The following SIDT1 variants were observed in gnomAD, a reference collection of about 807,000 sequenced individuals.
The protein encoded by SIDT1 is SID1 transmembrane family, member 1.
In SIDT1, 101 loss-of-function variants were observed where a neutral mutation model predicts 107.5. The observed-to-expected ratio is 0.94, with a 90% CI of 0.80 to 1.11. The LOEUF (loss-of-function observed/expected upper bound fraction) is 1.11, where lower values mean the gene tolerates loss of function less well. Among genes scored for constraint, SIDT1 ranks in the 50% least tolerant of loss-of-function variants. The pLI, the probability that SIDT1 is intolerant of heterozygous loss-of-function variation, is 0.00. For synonymous variants in SIDT1, 395 were observed against 398.2 expected, an observed-to-expected ratio of 0.99 and a Z score of 0.10; for missense variants, 1,076 against 1,058.2, an observed-to-expected ratio of 1.02 and a Z score of -0.23.
Position 113,536,687 on chromosome 3 carries a change from C to T in SIDT1, c.222+3444C>T, listed in dbSNP as rs115832793. Among the ~76,000 whole-genome samples the T allele has an allele frequency of 7.0e-3, 1,068 of 152,352 alleles. 15 individuals carry two copies. The highest frequency in any genetic ancestry group is 0.024 in the African/African-American group (1,011 of 41,584). ...TGTCATACTAGTTAGCTGCACTCAG[C>T]ACCAGGAAAAGTCTCATATGCCTTC... On this transcript the variant is annotated intron_variant, in intron 1 of 24. Transcript: ENST00000264852.
chr3:113,575,359 T>C lies in SIDT1; in HGVS notation c.516-1563T>C, dbSNP rs532180482. ...GTTCTCTGATCTGGCAACAAAGAAT[T>C]GAAGGTCTCATGTTGCCCTGGTAAC... On this transcript the variant is annotated intron_variant, in intron 3 of 24. Transcript: ENST00000264852. Among the ~76,000 whole-genome samples the C allele has an allele frequency of 7.2e-5, 11 of 152,322 alleles. No individual in the cohort carries two copies. In the East Asian group the frequency reaches 1.7e-3, roughly 24 times the overall value.
At chr3:113,577,240 C>T (rs1289733803) in intron 4 of SIDT1, among the ~76,000 whole-genome samples, 1 of 152,090 alleles carries the variant, frequency 6.6e-6, no homozygotes, top group Non-Finnish European at 1.5e-5. Context: ...ATCGTGTGCC[C>T]ACTATGCACC....
rs778739679 is a variant in SIDT1 at position 113,616,115 on chromosome 3, G to T, written c.1982G>T (p.Arg661Leu). The T allele has an allele frequency of 1.2e-6, 2 of 1,613,638 alleles. No homozygotes were observed. The highest frequency in any genetic ancestry group is 1.7e-6 in the Non-Finnish European group (2 of 1,179,710). ...TTATCAGCAGATTTGGGAATTTTCC[G>T]GCGGGCTGCCATGGTGTTCTACACA... ...GRFKIDLGIF[R>L]RAAMVFYTDC... Residue 661 changes from arginine to leucine, a missense_variant, in exon 20 of 25, where the codon CGG becomes CTG. Arg to Leu is a moderately radical substitution (Grantham distance 102). Coordinates refer to ENST00000264852, the MANE Select transcript of SIDT1 (RefSeq NM_017699.3).
intron 17 of SIDT1, 90 bp downstream of exon 17, chr3:113,608,626 G>T (rs1945515490): frequency 1.1e-6 from 1 of 883,836 alleles, no homozygotes; most frequent in Middle Eastern, 2.4e-4. Flanking sequence ...TGCTTGCAAA[G>T]ATCAAATGGC....
Position 113,567,714 on chromosome 3 carries a change from A to G in SIDT1, c.515+4A>G. 1.2e-6 allele frequency: 2 copies of G among 1,613,336 alleles called. No homozygotes were observed. Among genetic ancestry groups the G allele is most frequent in the African/African-American group, 1.3e-5 (1 of 75,024 alleles). ...AGCTGAAGCACTTCCAGCTCCGGTA[A>G]GCGGGACTTTCTCTGTTTACCTGTC... On this transcript the variant is annotated splice_donor_region_variant and intron_variant, in intron 3 of 24. Transcript: ENST00000264852.
At chr3:113,601,486 A>T in intron 10 of SIDT1, 102 bp from the exon 11 acceptor site, 1 of 787,478 alleles carries the variant, frequency 1.3e-6, no homozygotes, top group Non-Finnish European at 2.1e-6. Flanking sequence ...AAGAAAATCA[A>T]ACCTAAAATA....
chr3:113,564,906 A>G (rs1423116508), intron 1 of SIDT1, among the ~76,000 whole-genome samples: 1 of 152,242 alleles, frequency 6.6e-6, no homozygotes, highest in African/African-American at 2.4e-5. Flanking sequence ...CTATCAAATT[A>G]GTAAGTTACT....
rs748470547 is a variant in SIDT1, at chr3:113,623,527, A to G, written c.2191A>G (p.Met731Val). The G allele has an allele frequency of 3.7e-6, 6 of 1,613,054 alleles. No homozygotes were observed. In the South Asian group the frequency reaches 5.5e-5, roughly 15 times the overall value. The part of the protein sequence containing the change: ...LLLYLAFYII[M>V]KLRSSEKVLP... ...GCTGTACCTGGCCTTTTACATCATC[A>G]TGAAGGTAAGAGCGGGTGCCGGGAG... The change falls in exon 22 of 25, where the codon ATG becomes GTG. Residue 731 changes from methionine to valine, a missense_variant. Met to Val is a conservative substitution (Grantham distance 21). Transcript: ENST00000264852.
chr3:113,570,918 GAGCAA>G (rs1942386357), intron 3 of SIDT1, among the ~76,000 whole-genome samples: 1 of 152,186 alleles, frequency 6.6e-6, no homozygotes, highest in Admixed American at 6.5e-5. Context: ...TTTTACAGAT[GAGCAA>G]ACTGATGCCC....
rs2292512 is a variant in SIDT1 at position 113,611,039 on chromosome 3, G to A, written c.1752G>A (p.Leu584=). The change falls in exon 18 of 25, where the codon CTG becomes CTA. Residue 584 remains leucine (L), a synonymous_variant. Coordinates refer to ENST00000264852, the MANE Select transcript of SIDT1 (RefSeq NM_017699.3). The part of the protein sequence containing the change: ...DTSFMYMIAG[L]CMLKLYQTRH... The stretch of plus-strand genomic sequence containing the variant: ...CCTTCATGTACATGATCGCTGGCCT[G>A]TGCATGCTGAAGCTCTATCAGACCC... The A allele has an allele frequency of 4.2e-3, 6,730 of 1,614,072 alleles. 168 individuals are homozygous for A. The Admixed American group carries it at 0.054, about 13-fold the overall frequency.
intron 23 of SIDT1, among the ~76,000 whole-genome samples, chr3:113,625,109 T>C (rs1263740349): frequency 1.4e-5 from 2 of 146,382 alleles, no homozygotes; most frequent in African/African-American, 2.5e-5. Flanking sequence ...CTGGATCATA[T>C]GGTAGCTCTA....
At chr3:113,570,649 C>A (rs942009498) in intron 3 of SIDT1, among the ~76,000 whole-genome samples, 1 of 152,204 alleles carries the variant, frequency 6.6e-6, no homozygotes, top group Non-Finnish European at 1.5e-5. Flanking sequence ...TCACTATTTA[C>A]ACACCAGCCT....
At position 113,566,512 on chromosome 3, in the gene SIDT1, C is replaced by T. The variant is rs752095885; in HGVS notation, c.315C>T (p.Ser105=). Residue 105 remains serine (S), a synonymous_variant, in exon 2 of 25, where the codon TCC becomes TCT. Transcript: ENST00000264852. ...TTCGCCAGCAGAAAGAGGTGCTGTC[C>T]TGGCAGGTTCCTCTGCTCTTCCAAG... ...VVVRQQKEVL[S]WQVPLLFQGL... is the part of the protein sequence containing the mutation. 1.5e-5 allele frequency: 24 copies of T among 1,614,034 alleles called. No homozygotes were observed. In the East Asian group the frequency reaches 5.3e-4, roughly 36 times the overall value.
intron 3 of SIDT1, among the ~76,000 whole-genome samples, chr3:113,568,715 C>G (rs573114613): frequency 1.3e-5 from 2 of 152,264 alleles, no homozygotes; most frequent in Admixed American, 1.3e-4. Flanking sequence ...CATTCCACTC[C>G]TTTGATGTAT....
intron 3 of SIDT1, among the ~76,000 whole-genome samples, chr3:113,569,345 CAT>C (rs1334623549): frequency 2.0e-5 from 3 of 152,114 alleles, no homozygotes; most frequent in South Asian, 2.1e-4. Flanking sequence ...TTCTATAATA[CAT>C]GTTTGTTATA....
chr3:113,588,767 C>T (rs1223441350), intron 9 of SIDT1: 2 of 151,058 alleles, frequency 1.3e-5, no homozygotes, highest in Admixed American at 6.6e-5. Context: ...TCATCCTTCC[C>T]TTTGATTCTT....
At chr3:113,592,416 T>C (rs989763062) in intron 9 of SIDT1, among the ~76,000 whole-genome samples, 1 of 152,214 alleles carries the variant, frequency 6.6e-6, no homozygotes, top group Non-Finnish European at 1.5e-5. Flanking sequence ...ATGATGTATA[T>C]GCCTGAGAAT....
chr3:113,623,496 C>A lies in SIDT1; in HGVS notation c.2160C>A (p.Asn720Lys). 3 of 1,614,120 alleles carry A rather than the reference C, an allele frequency of 1.9e-6. No homozygotes were observed. The highest frequency in any genetic ancestry group is 2.5e-6 in the Non-Finnish European group (3 of 1,179,980). Reference sequence around the variant, plus strand: ...ACATGCTGGGCATCTTCATCTGTAACCTTTTGCTGTACCTGGCCTTTTACA... The same window carrying A: ...ACATGCTGGGCATCTTCATCTGTAAACTTTTGCTGTACCTGGCCTTTTACA... Reference protein sequence around the residue: ...ASYMLGIFICNLLLYLAFYII... With the variant: ...ASYMLGIFICKLLLYLAFYII... Residue 720 changes from asparagine to lysine, a missense_variant, in exon 22 of 25, where the codon AAC becomes AAA. Coordinates refer to ENST00000264852, the MANE Select transcript of SIDT1 (RefSeq NM_017699.3).
intron 17 of SIDT1, among the ~76,000 whole-genome samples, chr3:113,610,231 G>A (rs557293331): frequency 5.9e-5 from 9 of 152,286 alleles, no homozygotes; most frequent in African/African-American, 2.2e-4. Context: ...CTCTTTGTAT[G>A]TATGTGAGAG....
Sources: gnomAD v4.1 joint callset for allele counts (sites outside exome capture counted in the v4.1 genomes callset) on GRCh38, gnomAD v4.1.1 for gene constraint, MANE v1.5 for transcripts, NCBI Gene and HGNC (gene_info 2026-07-23, HGNC 2026-07-21) for gene names.